DCDC1: variants seen among roughly 807,000 people sequenced by gnomAD.
DCDC1 encodes doublecortin domain-containing protein 1.
In DCDC1, 200 loss-of-function variants were observed where a neutral mutation model predicts 178.3. That is an observed-to-expected ratio of 1.12 (90% confidence interval 1.00 to 1.26). The LOEUF (loss-of-function observed/expected upper bound fraction) is 1.26, where lower values mean the gene tolerates loss of function less well. Among genes scored for constraint, DCDC1 ranks in the 50% most tolerant of loss-of-function variants. The pLI, the probability that DCDC1 is intolerant of heterozygous loss-of-function variation, is 0.00. For synonymous variants in DCDC1, 690 were observed against 604.8 expected, an observed-to-expected ratio of 1.14 and a Z score of -2.07; for missense variants, 1,983 against 1,749.2, an observed-to-expected ratio of 1.13 and a Z score of -2.38.
intron 1 of DCDC1, among the ~76,000 whole-genome samples, chr11:31,358,840 C>T (rs1176438379): frequency 6.6e-6 from 1 of 152,140 alleles, no homozygotes; most frequent in Non-Finnish European, 1.5e-5. Flanking sequence ...AAAATGCTCA[C>T]CATCACTGGC....
At chr11:30,909,228 C>T in intron 28 of DCDC1, 112 bp from the exon 29 acceptor site, 4 of 833,850 alleles carry the variant, frequency 4.8e-6, no homozygotes, top group Non-Finnish European at 6.7e-6. Flanking sequence ...AATCCCACCA[C>T]ACAGTGACAA....
At chr11:30,929,432 T>C (rs1440813233) in intron 22 of DCDC1, among the ~76,000 whole-genome samples, 2 of 152,056 alleles carry the variant, frequency 1.3e-5, no homozygotes, top group Non-Finnish European at 2.9e-5. Flanking sequence ...AGGGTCAACA[T>C]CTAGAAAGGA....
chr11:31,355,062 G>A (rs1219818509), intron 1 of DCDC1, among the ~76,000 whole-genome samples: 2 of 152,068 alleles, frequency 1.3e-5, no homozygotes, highest in African/African-American at 4.8e-5. Flanking sequence ...GAGGGAACAA[G>A]GATGCACTTT....
intron 20 of DCDC1, among the ~76,000 whole-genome samples, chr11:31,024,411 G>A (rs1166158275): frequency 6.6e-6 from 1 of 151,662 alleles, no homozygotes; most frequent in African/African-American, 2.4e-5. Context: ...AAGGAACAAA[G>A]ACATGTAAAA....
Position 31,284,467 on chromosome 11 carries a change from T to C in DCDC1, c.960+6180A>G, listed in dbSNP as rs1946674128. Among the ~76,000 whole-genome samples, 3 of 152,210 alleles carry C rather than the reference T, an allele frequency of 2.0e-5. No homozygotes were observed. The South Asian group carries it at 6.2e-4, about 32-fold the overall frequency. On this transcript the variant is annotated intron_variant, in intron 7 of 38. Coordinates refer to ENST00000684477, the MANE Select transcript of DCDC1 (RefSeq NM_001387274.1). Reference sequence around the variant, plus strand: ...ATAAAGTTCATCAAAGATTCTTTAATGGTAAGGTATGCATGGACACTAATC... The same window carrying C: ...ATAAAGTTCATCAAAGATTCTTTAACGGTAAGGTATGCATGGACACTAATC...
intron 9 of DCDC1, among the ~76,000 whole-genome samples, chr11:31,145,749 G>A (rs994985908): frequency 6.6e-6 from 1 of 152,160 alleles, no homozygotes; most frequent in Admixed American, 6.5e-5. Context: ...AGATGTTTTG[G>A]AGAATTCATA....
At chr11:31,309,416 A>G (rs1213711644) in intron 3 of DCDC1, among the ~76,000 whole-genome samples, 1 of 152,186 alleles carries the variant, frequency 6.6e-6, no homozygotes, top group African/African-American at 2.4e-5. Flanking sequence ...CAGACCACCT[A>G]AGCCACTCAG....
chr11:31,008,991 G>A (rs1952011822), intron 20 of DCDC1, among the ~76,000 whole-genome samples: 2 of 152,078 alleles, frequency 1.3e-5, no homozygotes, highest in Admixed American at 6.6e-5. Context: ...AGGTGGAAAC[G>A]TCAAAAGTAA....
At chr11:31,148,339 G>A (rs1411517237) in intron 9 of DCDC1, among the ~76,000 whole-genome samples, 2 of 151,626 alleles carry the variant, frequency 1.3e-5, no homozygotes, top group East Asian at 3.9e-4. Flanking sequence ...GTGAGCTCAG[G>A]AGTTCGAGAC....
chr11:31,241,797 A>T, intron 8 of DCDC1, 181 bp from the exon 9 acceptor site: 1 of 366,264 alleles, frequency 2.7e-6, no homozygotes. Context: ...ATGTATTTAT[A>T]TTGAGACACC....
intron 38 of DCDC1, among the ~76,000 whole-genome samples, chr11:30,869,982 G>C (rs1941384823): frequency 6.6e-6 from 1 of 152,074 alleles, no homozygotes; most frequent in Non-Finnish European, 1.5e-5. Flanking sequence ...TGGGGGTGGG[G>C]GTGTGTGCAG....
chr11:31,340,519 T>C (rs1950492745), intron 1 of DCDC1, among the ~76,000 whole-genome samples: 1 of 152,232 alleles, frequency 6.6e-6, no homozygotes. Context: ...GGCAGGGCCA[T>C]GGTGACCAGC....
At chr11:31,210,055 G>A (rs1225804669) in intron 9 of DCDC1, among the ~76,000 whole-genome samples, 1 of 152,078 alleles carries the variant, frequency 6.6e-6, no homozygotes, top group South Asian at 2.1e-4. Context: ...GCTACATGGG[G>A]GGTATCCGAT....
Position 30,906,623 on chromosome 11 carries a change from C to T in DCDC1, c.4021G>A (p.Gly1341Arg). Residue 1341 changes from glycine to arginine, a missense_variant, in exon 30 of 39, where the codon GGG (glycine) becomes AGG (arginine). By Grantham distance (125) the Gly-to-Arg change is moderately radical (BLOSUM62 -2). Transcript: ENST00000684477. ...CCTGAAATACAGAGGAATGGAACCC[C>T]TGGAAGCAATTGTTTCAGTCCTTTC... is the stretch of plus-strand genomic sequence containing the variant. ...TEKGLKQLLP[G>R]VPFLCISGTK... 2 of 1,613,524 alleles carry T rather than the reference C, an allele frequency of 1.2e-6. No homozygotes were observed. The highest frequency in any genetic ancestry group is 1.1e-5 in the South Asian group (1 of 91,028).
At chr11:31,368,273 A>G (rs920487929) in intron 1 of DCDC1, among the ~76,000 whole-genome samples, 1 of 152,238 alleles carries the variant, frequency 6.6e-6, no homozygotes, top group Admixed American at 6.5e-5. Flanking sequence ...ATAACCTAAT[A>G]AATAGTAAAT....
intron 3 of DCDC1, among the ~76,000 whole-genome samples, chr11:31,324,141 G>A (rs1374333046): frequency 2.6e-5 from 4 of 151,746 alleles, no homozygotes; most frequent in Admixed American, 6.6e-5. Flanking sequence ...TAACCAAAAC[G>A]TTATGTTCAA....
chr11:31,315,194 C>A (rs1949002077), intron 3 of DCDC1, among the ~76,000 whole-genome samples: 1 of 151,144 alleles, frequency 6.6e-6, no homozygotes, highest in Admixed American at 6.6e-5. Context: ...AATCATACTT[C>A]TTGGTCTCAC....
At chr11:31,020,330 A>G (rs1590783758) in intron 20 of DCDC1, among the ~76,000 whole-genome samples, 1 of 152,150 alleles carries the variant, frequency 6.6e-6, no homozygotes, top group Non-Finnish European at 1.5e-5. Flanking sequence ...TTGATTTCCC[A>G]CTGACGATTT....
At chr11:31,227,698 A>G (rs1342095760) in intron 9 of DCDC1, among the ~76,000 whole-genome samples, 1 of 152,138 alleles carries the variant, frequency 6.6e-6, no homozygotes, top group Non-Finnish European at 1.5e-5. Flanking sequence ...TAAACATCCC[A>G]ATTAAAAGAA....
Sources: allele counts gnomAD v4.1 joint callset (sites outside exome capture counted in the v4.1 genomes callset), GRCh38; gene constraint gnomAD v4.1.1; transcripts MANE v1.5; gene names NCBI Gene and HGNC (gene_info 2026-07-23, HGNC 2026-07-21).